Variants in ESCO2 observed in about 807,000 individuals in gnomAD.
The protein encoded by ESCO2 is establishment of sister chromatid cohesion N-acetyltransferase 2.
A neutral mutation model predicts 61.7 loss-of-function variants in ESCO2; 51 were observed. The ratio of observed to expected loss-of-function variants is 0.83; its 90% CI spans 0.66 to 1.04. The LOEUF is 1.04. Ranked by LOEUF, ESCO2 falls within the 50% of genes least tolerant of loss-of-function variation. The pLI is 0.00. For missense variants in ESCO2, 692 were observed against 686.2 expected, an observed-to-expected ratio of 1.01 and a Z score of -0.09; for synonymous variants, 230 against 238.2, an observed-to-expected ratio of 0.97 and a Z score of 0.32.
At chr8:27,794,791 T>G (rs144063241) in intron 9 of ESCO2, among the ~76,000 whole-genome samples, 77 of 152,322 alleles carry the variant, frequency 5.1e-4, no homozygotes, top group African/African-American at 1.8e-3. Flanking sequence ...TTCTTCTGTT[T>G]GTGGATATTC....
At chr8:27,786,857 A>G (rs374528844) in intron 5 of ESCO2, among the ~76,000 whole-genome samples, 1,787 of 56,580 alleles carry the variant, frequency 0.032, 43 homozygotes, top group African/African-American at 0.11. Context: ...TTTTGGTACT[A>G]GGGTTTTTTT....
intron 2 of ESCO2, 28 bp downstream of exon 2, chr8:27,775,595 CTT>C: frequency 6.2e-7 from 1 of 1,612,948 alleles, no homozygotes; most frequent in South Asian, 1.1e-5. Context: ...AATAGAAACT[CTT>C]AGAAAAATCC....
downstream of ESCO2, among the ~76,000 whole-genome samples, chr8:27,805,928 A>G (rs943431483): frequency 3.3e-5 from 5 of 152,120 alleles, no homozygotes; most frequent in African/African-American, 1.2e-4. Flanking sequence ...CACGGCACCC[A>G]GCCAGATCTT....
chr8:27,777,059 G>A lies in ESCO2; in HGVS notation c.751G>A (p.Glu251Lys), dbSNP rs751469553. ...IEDSDVETVS[E>K]KKTFATRQVP... The stretch of plus-strand genomic sequence containing the variant: ...AGATTCTGATGTAGAGACTGTCAGT[G>A]AAAAAAAAACTTTTGCGACAAGGCA... Residue 251 changes from glutamate (E) to lysine (K), a missense_variant, in exon 3 of 11, where the codon GAA becomes AAA. Coordinates refer to ENST00000305188, the MANE Select transcript of ESCO2 (RefSeq NM_001017420.3). The A allele has an allele frequency of 2.5e-6, 4 of 1,598,896 alleles. No individual in the cohort carries two copies. Among genetic ancestry groups the A allele is most frequent in the Non-Finnish European group, 3.4e-6 (4 of 1,173,964 alleles).
downstream of ESCO2, among the ~76,000 whole-genome samples, chr8:27,806,623 T>C (rs1805568959): frequency 1.4e-5 from 2 of 147,004 alleles, no homozygotes; most frequent in Admixed American, 6.7e-5. Flanking sequence ...ATACTTTCTT[T>C]TTTTTTTTTT....
chr8:27,786,041 G>A (rs931818044), intron 5 of ESCO2, among the ~76,000 whole-genome samples: 5 of 152,170 alleles, frequency 3.3e-5, no homozygotes, highest in African/African-American at 9.7e-5. Context: ...TGGCTGTCAC[G>A]CATGCAGAGT....
Position 27,804,400 on chromosome 8 carries a change from G to A in ESCO2, c.*962G>A, listed in dbSNP as rs1805518084. 41 of 985,250 alleles carry A rather than the reference G, an allele frequency of 4.2e-5. No homozygotes were observed. Among genetic ancestry groups the A allele is most frequent in the Non-Finnish European group, 4.9e-5 (41 of 829,926 alleles). 61.0% of individuals were successfully genotyped at this position (985,250 alleles called of 1,614,324 possible). A position where few individuals can be genotyped will look rare whatever the true frequency, so the allele number is the denominator to read the frequency against. On this transcript the variant is annotated 3_prime_UTR_variant, in exon 11 of 11. Transcript: ENST00000305188. Reference sequence around the variant, plus strand: ...TTCTAATTTTTTGCTTGTTTAAAATGCACCTTACTTGTTCTGAGATACCTG... The same window carrying A: ...TTCTAATTTTTTGCTTGTTTAAAATACACCTTACTTGTTCTGAGATACCTG...
upstream of ESCO2, chr8:27,772,627 T>C (rs1585385847): frequency 4.3e-6 from 6 of 1,384,708 alleles, no homozygotes; most frequent in Non-Finnish European, 6.0e-6. Context: ...GGCGGCCGCC[T>C]GGCCCCCGGA....
downstream of ESCO2, among the ~76,000 whole-genome samples, chr8:27,807,351 T>C (rs1346065133): frequency 6.6e-6 from 1 of 152,210 alleles, no homozygotes; most frequent in Non-Finnish European, 1.5e-5. Context: ...AAAAAGTCTT[T>C]CTTCTATCTT....
chr8:27,778,460 G>A (rs1804849283), intron 3 of ESCO2: 2 of 152,094 alleles, frequency 1.3e-5, no homozygotes, highest in Admixed American at 6.5e-5. Flanking sequence ...GTCTTGATAG[G>A]GATTTTGATT....
the ESCO2 span, among the ~76,000 whole-genome samples, chr8:27,819,054 A>G: frequency 3.3e-5 from 5 of 152,040 alleles, no homozygotes; most frequent in Non-Finnish European, 5.9e-5. Flanking sequence ...CTCATGTTCT[A>G]TTTTTCTGCC....
intron 1 of ESCO2, 86 bp from the exon 2 acceptor site, chr8:27,775,413 G>A (rs1395964491): frequency 3.4e-6 from 4 of 1,172,084 alleles, no homozygotes; most frequent in Non-Finnish European, 5.1e-6. Flanking sequence ...TTAACTTGGT[G>A]TGAAATAGAC....
At chr8:27,779,756 C>T (rs531686434) in intron 3 of ESCO2, 20 of 194,844 alleles carry the variant, frequency 1.0e-4, no homozygotes, top group Admixed American at 8.0e-4. Flanking sequence ...CTGCAACCTC[C>T]GCCTCCTGGG....
chr8:27,802,633 ATATATATATATATAT>A (rs1805466906), intron 10 of ESCO2, among the ~76,000 whole-genome samples: 2 of 53,858 alleles, frequency 3.7e-5, no homozygotes, highest in African/African-American at 1.8e-4. Flanking sequence ...AAAAAAAAAT[ATATATATATATATAT>A]ATATATATTA....
chr8:27,794,876 C>T (rs1243974215), intron 9 of ESCO2, among the ~76,000 whole-genome samples: 1 of 152,142 alleles, frequency 6.6e-6, no homozygotes, highest in African/African-American at 2.4e-5. Context: ...TTGTCAGACA[C>T]CAGTTGACTC....
chr8:27,789,116 T>C (rs1805116346), intron 7 of ESCO2, 138 bp downstream of exon 7: 1 of 1,150,354 alleles, frequency 8.7e-7, no homozygotes, highest in Non-Finnish European at 1.2e-6. Flanking sequence ...CAATTTAAGA[T>C]AAATATTTTG....
At position 27,802,042 on chromosome 8, in the gene ESCO2, C is replaced by A. The variant is rs1805440759; in HGVS notation, c.1674-1264C>A. 2.6e-5 allele frequency among the ~76,000 whole-genome samples: 3 copies of A among 114,640 alleles called. No homozygotes were observed. In the South Asian group the frequency reaches 9.0e-4, roughly 34 times the overall value. 75.2% of individuals were successfully genotyped at this position (114,640 alleles called of 152,430 possible). On this transcript the variant is annotated intron_variant, in intron 10 of 10. Coordinates refer to ENST00000305188, the MANE Select transcript of ESCO2 (RefSeq NM_001017420.3). ...GTTTTCACGTCTCTTTAATCTTCAT[C>A]TTCCCTAATCTGGAACAATTTCTCA...
At position 27,775,580 on chromosome 8, in the gene ESCO2, C is replaced by T. The variant is rs1804771251; in HGVS notation, c.53+13C>T. 4 of 1,613,814 alleles carry T rather than the reference C, an allele frequency of 2.5e-6. No individual in the cohort carries two copies. Among genetic ancestry groups the T allele is most frequent in the Non-Finnish European group, 3.4e-6 (4 of 1,179,750 alleles). ...TGAAGTGTGACAGGTGAATCTCAGCCTGTGAATAGAAACTCTTAGAAAAAT... is the reference window on the plus strand; with the variant it reads ...TGAAGTGTGACAGGTGAATCTCAGCTTGTGAATAGAAACTCTTAGAAAAAT... On this transcript the variant is annotated intron_variant, in intron 2 of 10. Coordinates refer to ENST00000305188, the MANE Select transcript of ESCO2 (RefSeq NM_001017420.3).
At chr8:27,793,187 T>G (rs1055962846) in intron 9 of ESCO2, among the ~76,000 whole-genome samples, 1 of 152,210 alleles carries the variant, frequency 6.6e-6, no homozygotes, top group African/African-American at 2.4e-5. Flanking sequence ...TAATTAGCAA[T>G]GTTCTAGAAG....
Sources: allele counts gnomAD v4.1 joint callset (sites outside exome capture counted in the v4.1 genomes callset), GRCh38; gene constraint gnomAD v4.1.1; transcripts MANE v1.5; gene names NCBI Gene and HGNC (gene_info 2026-07-23, HGNC 2026-07-21).